SDCBP: variants seen among roughly 807,000 people sequenced by gnomAD.
The protein encoded by SDCBP is syndecan binding protein.
In SDCBP, 22 loss-of-function variants were observed where a neutral mutation model predicts 30.5. The observed-to-expected ratio is 0.72, with a 90% CI of 0.52 to 1.03. The LOEUF (loss-of-function observed/expected upper bound fraction) is 1.03. Ranked by LOEUF, SDCBP falls within the 50% of genes least tolerant of loss-of-function variation. The pLI, the probability that SDCBP is intolerant of heterozygous loss-of-function variation, is 0.00. For synonymous variants in SDCBP, 103 were observed against 118.7 expected (o/e 0.87, Z 0.86); for missense variants, 304 against 369.9 (o/e 0.82, Z 1.46).
chr8:58,572,452 G>T, intron 4 of SDCBP, 138 bp downstream of exon 4: 1 of 584,952 alleles, frequency 1.7e-6, no homozygotes, highest in East Asian at 2.8e-5. Flanking sequence ...ACTTCCTTTT[G>T]GATATCATTT....
chr8:58,579,797 A>C lies in SDCBP; in HGVS notation c.750+3A>C, dbSNP rs757459594. The C allele has an allele frequency of 1.2e-6, 2 of 1,601,656 alleles. No individual in the cohort carries two copies. Among genetic ancestry groups the C allele is most frequent in the Non-Finnish European group, 1.7e-6 (2 of 1,174,436 alleles). On this transcript the variant is annotated splice_donor_region_variant and intron_variant, in intron 7 of 8. Coordinates refer to ENST00000260130, the MANE Select transcript of SDCBP (RefSeq NM_005625.4). ...GACAGAATGTCATTGGATTGAAGGT[A>C]AGGAACAGACTTTGTGCCATGTTCT... is the stretch of plus-strand genomic sequence containing the variant.
At chr8:58,567,296 T>A (rs1357477511) in intron 2 of SDCBP, among the ~76,000 whole-genome samples, 6 of 152,224 alleles carry the variant, frequency 3.9e-5, no homozygotes, top group African/African-American at 1.4e-4. Context: ...TCTTCAGTAT[T>A]CCTTGGATTA....
At position 58,581,839 on chromosome 8, in the gene SDCBP, T is replaced by G; in HGVS notation, c.*99T>G. The G allele has an allele frequency of 1.1e-6, 1 of 915,916 alleles. No homozygotes were observed. Among genetic ancestry groups the G allele is most frequent in the Non-Finnish European group, 1.8e-6 (1 of 551,328 alleles). The allele number at this position is 915,916 out of a possible 1,614,324, so 56.7% of individuals were successfully genotyped here. Reference sequence around the variant, plus strand: ...GAAGCCTTCCCGGAGCCAGCGAGCATATGCTGCATGAGGACCTTTCTATCT... The same window carrying G: ...GAAGCCTTCCCGGAGCCAGCGAGCAGATGCTGCATGAGGACCTTTCTATCT... On this transcript the variant is annotated 3_prime_UTR_variant, in exon 9 of 9. Coordinates refer to ENST00000260130, the MANE Select transcript of SDCBP (RefSeq NM_005625.4).
chr8:58,565,623 T>C (rs1258253099), intron 2 of SDCBP, among the ~76,000 whole-genome samples: 2 of 152,120 alleles, frequency 1.3e-5, no homozygotes, highest in African/African-American at 4.8e-5. Flanking sequence ...TGTGTAGAGA[T>C]TGCAGTATTT....
At chr8:58,567,415 T>C (rs1804759089) in intron 2 of SDCBP, among the ~76,000 whole-genome samples, 1 of 152,174 alleles carries the variant, frequency 6.6e-6, no homozygotes, top group Non-Finnish European at 1.5e-5. Flanking sequence ...ACAAAATTGA[T>C]CAGAAAGTAC....
chr8:58,575,844 G>T, intron 4 of SDCBP, 56 bp from the exon 5 acceptor site: 3 of 1,432,018 alleles, frequency 2.1e-6, no homozygotes, highest in Non-Finnish European at 9.6e-7. Flanking sequence ...AATTATCATT[G>T]TTTTTTTCAA....
chr8:58,576,504 T>TC (rs2129608250), intron 5 of SDCBP: 1 of 152,514 alleles, frequency 6.6e-6, no homozygotes, highest in South Asian at 2.1e-4. Flanking sequence ...AACCTCTGCC[T>TC]CCCGGATGTG....
At chr8:58,563,515 A>C (rs1262608540) in intron 1 of SDCBP, among the ~76,000 whole-genome samples, 1 of 152,150 alleles carries the variant, frequency 6.6e-6, no homozygotes, top group Non-Finnish European at 1.5e-5. Flanking sequence ...GAATATACTA[A>C]AAACCATTGC....
chr8:58,582,153 T>A lies in SDCBP; in HGVS notation c.*413T>A, dbSNP rs3739326. 10,354 of 161,156 alleles carry A rather than the reference T, an allele frequency of 0.064. 879 individuals are homozygous for A. Among genetic ancestry groups the A allele is most frequent in the East Asian group, 0.26 (1,395 of 5,452 alleles). 10.0% of individuals were successfully genotyped at this position (161,156 alleles called of 1,614,324 possible). ...TACTTGCATCTTTAACATGCTATCA[T>A]AGTACATTTAGAATGATTGCCTTTG... On this transcript the variant is annotated 3_prime_UTR_variant, in exon 9 of 9. Transcript: ENST00000260130.
chr8:58,563,298 G>A (rs1804532743), intron 1 of SDCBP, among the ~76,000 whole-genome samples: 1 of 152,142 alleles, frequency 6.6e-6, no homozygotes, highest in Non-Finnish European at 1.5e-5. Context: ...GATGAACCTT[G>A]AACATATGCT....
At chr8:58,579,276 T>C (rs1218618703) in intron 6 of SDCBP, among the ~76,000 whole-genome samples, 3 of 152,184 alleles carry the variant, frequency 2.0e-5, no homozygotes, top group African/African-American at 7.2e-5. Flanking sequence ...AAAATAAAAA[T>C]TATCTTTACC....
Position 58,582,582 on chromosome 8 carries a change from A to G in SDCBP, c.*842A>G, listed in dbSNP as rs1805754263. 6.6e-6 allele frequency: 1 copy of G among 152,592 alleles called. No individual in the cohort carries two copies. Among genetic ancestry groups the G allele is most frequent in the Non-Finnish European group, 1.5e-5 (1 of 68,030 alleles). The allele number at this position is 152,592 out of a possible 1,614,324, so 9.5% of individuals were successfully genotyped here. ...GAAGTGAATCACTATATGTGATGTA[A>G]AAGTTATTACACTAAACAGGATAAA... On this transcript the variant is annotated 3_prime_UTR_variant, in exon 9 of 9. Coordinates refer to ENST00000260130, the MANE Select transcript of SDCBP (RefSeq NM_005625.4).
intron 1 of SDCBP, among the ~76,000 whole-genome samples, chr8:58,555,216 C>A (rs1804032089): frequency 6.6e-6 from 1 of 152,094 alleles, no homozygotes; most frequent in Admixed American, 6.5e-5. Flanking sequence ...TTCCTTTGTG[C>A]ACATATATTT....
rs1038610728 is a variant in SDCBP at position 58,577,655 on chromosome 8, G to A, written c.403-378G>A. ...TCGCTTTTCCCCTAAATATGATTAT[G>A]TACTGATAATTTGGTATTCTATCAG... On this transcript the variant is annotated intron_variant, in intron 5 of 8. Transcript: ENST00000260130. 2.4e-4 allele frequency among the ~76,000 whole-genome samples: 36 copies of A among 152,132 alleles called. 1 individual carries two copies. Among genetic ancestry groups the A allele is most frequent in the Admixed American group, 2.4e-3 (36 of 15,284 alleles).
intron 1 of SDCBP, among the ~76,000 whole-genome samples, chr8:58,556,086 T>G (rs1176083581): frequency 3.9e-5 from 6 of 152,184 alleles, no homozygotes; most frequent in African/African-American, 1.2e-4. Context: ...TGTCATATAA[T>G]TTTTTAAAAA....
intron 6 of SDCBP, 61 bp from the exon 7 acceptor site, chr8:58,579,562 G>A: frequency 7.7e-7 from 1 of 1,295,664 alleles, no homozygotes; most frequent in Non-Finnish European, 1.0e-6. Flanking sequence ...TATGCTATAT[G>A]AAATCCATTA....
At chr8:58,553,707 A>G (rs906330793) in intron 1 of SDCBP, among the ~76,000 whole-genome samples, 1 of 152,206 alleles carries the variant, frequency 6.6e-6, no homozygotes, top group Non-Finnish European at 1.5e-5. Context: ...TCGACATAAG[A>G]AAGAGCCTCT....
At chr8:58,577,975 CG>C in intron 5 of SDCBP, 57 bp from the exon 6 acceptor site, 1 of 1,285,426 alleles carries the variant, frequency 7.8e-7, no homozygotes, top group African/African-American at 1.5e-5. Flanking sequence ...AATTTTCCAG[CG>C]TTTAAAACCG....
intron 3 of SDCBP, 75 bp downstream of exon 3, chr8:58,571,040 A>G: frequency 8.6e-7 from 1 of 1,163,298 alleles, no homozygotes; most frequent in East Asian, 2.4e-5. Context: ...AAGGAATCCA[A>G]GATTTTTTTT....
Sources: allele counts gnomAD v4.1 joint callset (sites outside exome capture counted in the v4.1 genomes callset), GRCh38; gene constraint gnomAD v4.1.1; transcripts MANE v1.5; gene names NCBI Gene and HGNC (gene_info 2026-07-23, HGNC 2026-07-21).